TGFBR3: variants seen among roughly 807,000 people sequenced by gnomAD.
The protein encoded by TGFBR3 is transforming growth factor beta receptor 3, also known as transforming growth factor beta receptor type 3.
TGFBR3 carries 46 observed loss-of-function variants against 87.9 expected under a neutral mutation model. The ratio of observed to expected loss-of-function variants is 0.52; its 90% CI spans 0.41 to 0.67. The LOEUF is 0.67. Among genes scored for constraint, TGFBR3 ranks in the 30% least tolerant of loss-of-function variants. TGFBR3 has a pLI of 0.00. For synonymous variants in TGFBR3, 381 were observed against 391.6 expected (o/e 0.97, Z 0.32); for missense variants, 866 against 1,041.9 (o/e 0.83, Z 2.32).
chr1:91,727,485 G>C (rs1200107955), intron 7 of TGFBR3, among the ~76,000 whole-genome samples, 174 bp downstream of exon 7: 1 of 152,200 alleles, frequency 6.6e-6, no homozygotes, highest in Non-Finnish European at 1.5e-5. Context: ...CCAAGGCCAT[G>C]TTTGAACAAC....
intron 16 of TGFBR3, chr1:91,695,373 G>C: frequency 2.6e-6 from 1 of 385,418 alleles, no homozygotes; most frequent in South Asian, 2.2e-5. Flanking sequence ...GGAATGGTTT[G>C]TATTTCTGTA....
At chr1:91,805,774 A>G (rs1675806166) in intron 2 of TGFBR3, among the ~76,000 whole-genome samples, 1 of 152,198 alleles carries the variant, frequency 6.6e-6, no homozygotes, top group Non-Finnish European at 1.5e-5. Context: ...CATCTTGTAC[A>G]TGTTTCTGAT....
rs140635832 is a variant in TGFBR3, at chr1:91,773,626, G to T, written c.247-14876C>A. ...GAATGCAGGAGGCAGAGGTTGCGGT[G>T]AGCCGAGATCGCGCCACTGCACTCC... On this transcript the variant is annotated intron_variant, in intron 3 of 16. Transcript: ENST00000212355. 1.9e-3 allele frequency among the ~76,000 whole-genome samples: 291 copies of T among 152,314 alleles called. 2 individuals carry two copies. The highest frequency in any genetic ancestry group is 1.5e-3 in the Non-Finnish European group (102 of 68,024).
intron 14 of TGFBR3, among the ~76,000 whole-genome samples, chr1:91,702,766 C>G (rs893459330): frequency 6.6e-6 from 1 of 151,994 alleles, no homozygotes; most frequent in African/African-American, 2.4e-5. Context: ...AAATACTGGC[C>G]GGGAGCGGTG....
chr1:91,876,894 C>G (rs1331924036), intron 1 of TGFBR3, among the ~76,000 whole-genome samples: 8 of 151,476 alleles, frequency 5.3e-5, no homozygotes, highest in Admixed American at 3.3e-4. Context: ...CTCCTTTACC[C>G]TCTGCAAAAA....
At chr1:91,880,843 G>T (rs189132690) in intron 1 of TGFBR3, among the ~76,000 whole-genome samples, 1 of 149,978 alleles carries the variant, frequency 6.7e-6, no homozygotes, top group Admixed American at 6.7e-5. Context: ...GTAAGACTCT[G>T]TCTCAAAATA....
chr1:91,815,949 T>C (rs1190549870), intron 2 of TGFBR3, among the ~76,000 whole-genome samples: 1 of 152,174 alleles, frequency 6.6e-6, no homozygotes, highest in Non-Finnish European at 1.5e-5. Context: ...TGTATATTCA[T>C]TACCTAATGA....
At chr1:91,803,641 T>C (rs1434692702) in intron 2 of TGFBR3, among the ~76,000 whole-genome samples, 1 of 152,146 alleles carries the variant, frequency 6.6e-6, no homozygotes, top group Non-Finnish European at 1.5e-5. Context: ...CCCTAATTAA[T>C]GTACTTGCCT....
intron 4 of TGFBR3, among the ~76,000 whole-genome samples, chr1:91,736,794 C>A (rs189042279): frequency 3.3e-5 from 5 of 152,346 alleles, no homozygotes; most frequent in Non-Finnish European, 5.9e-5. Context: ...CTTTGTCCCA[C>A]TGCCAGCACA....
intron 3 of TGFBR3, among the ~76,000 whole-genome samples, chr1:91,775,178 T>G (rs562288286): frequency 3.8e-4 from 58 of 152,364 alleles, no homozygotes; most frequent in African/African-American, 1.3e-3. Context: ...AATTCTCCGT[T>G]GTTAGCAAAC....
chr1:91,773,241 GA>G (rs1674444655), intron 3 of TGFBR3, among the ~76,000 whole-genome samples: 1 of 104,638 alleles, frequency 9.6e-6, no homozygotes, highest in African/African-American at 5.3e-5. Context: ...ATAAATAAAT[GA>G]TTTTTTTTTT....
intron 3 of TGFBR3, among the ~76,000 whole-genome samples, chr1:91,767,844 TA>T (rs1404964693): frequency 6.7e-6 from 1 of 149,610 alleles, no homozygotes; most frequent in African/African-American, 2.5e-5. Context: ...GAAGGAGGGA[TA>T]AATGCATTAA....
chr1:91,895,198 T>C (rs564203392), intron 2 of TGFBR3, among the ~76,000 whole-genome samples: 2 of 152,334 alleles, frequency 1.3e-5, no homozygotes, highest in South Asian at 4.1e-4. Flanking sequence ...GATTGGATCA[T>C]GAAGGCGAAT....
chr1:91,902,358 A>C (rs1570351166), intron 1 of TGFBR3, among the ~76,000 whole-genome samples: 1 of 151,668 alleles, frequency 6.6e-6, no homozygotes, highest in East Asian at 2.0e-4. Flanking sequence ...AGCTCACTGC[A>C]GCCTCAAACT....
At chr1:91,764,626 T>C (rs1269172979) in intron 3 of TGFBR3, among the ~76,000 whole-genome samples, 9 of 152,066 alleles carry the variant, frequency 5.9e-5, no homozygotes, top group Non-Finnish European at 1.2e-4. Context: ...TGTGGGTGGT[T>C]CGGGTGGAGG....
chr1:91,776,545 G>A (rs971566478), intron 3 of TGFBR3, among the ~76,000 whole-genome samples: 4 of 152,136 alleles, frequency 2.6e-5, no homozygotes, highest in Admixed American at 2.0e-4. Flanking sequence ...GTAAAACAGA[G>A]CTAACAGAAT....
At chr1:91,819,109 C>T (rs11165556) in intron 2 of TGFBR3, among the ~76,000 whole-genome samples, 50,893 of 151,936 alleles carry the variant, frequency 0.33, 8,631 homozygotes, top group Non-Finnish European at 0.36. Flanking sequence ...GTGGTTCATG[C>T]CTGTAATCCC....
chr1:91,846,371 C>G (rs1677500672), intron 2 of TGFBR3, among the ~76,000 whole-genome samples: 1 of 152,164 alleles, frequency 6.6e-6, no homozygotes, highest in Non-Finnish European at 1.5e-5. Context: ...TTAAGCTTGG[C>G]AAAACAGAGG....
chr1:91,800,645 G>A (rs1320015805), intron 2 of TGFBR3, among the ~76,000 whole-genome samples: 3 of 148,780 alleles, frequency 2.0e-5, no homozygotes, highest in Admixed American at 2.0e-4. Flanking sequence ...TTCCCTCCAA[G>A]ATTGAAAAAG....
Sources: gnomAD v4.1 joint callset for allele counts (sites outside exome capture counted in the v4.1 genomes callset) on GRCh38, gnomAD v4.1.1 for gene constraint, MANE v1.5 for transcripts, NCBI Gene and HGNC (gene_info 2026-07-23, HGNC 2026-07-21) for gene names.